Variants in MSRA observed in about 807,000 individuals in gnomAD.
MSRA encodes mitochondrial peptide methionine sulfoxide reductase.
In MSRA, 54 loss-of-function variants were observed where a neutral mutation model predicts 31.3. The ratio of observed to expected loss-of-function variants is 1.73; its 90% CI spans 1.39 to 2.17. The LOEUF is 2.17. Ranked by LOEUF, MSRA falls within the 30% of genes most tolerant of loss-of-function variation. The probability of loss-of-function intolerance (pLI) is 0.00; values close to 1 mark genes in which losing one functional copy is unlikely to be tolerated. For synonymous variants in MSRA, 169 were observed against 116.5 expected, an observed-to-expected ratio of 1.45 and a Z score of -2.90; for missense variants, 507 against 300.9, an observed-to-expected ratio of 1.69 and a Z score of -5.07.
chr8:10,309,828 A>G (rs1350034770), intron 4 of MSRA, among the ~76,000 whole-genome samples: 2 of 152,186 alleles, frequency 1.3e-5, no homozygotes, highest in Admixed American at 1.3e-4. Context: ...GCCCTGCTCC[A>G]GGCGAGTTTT....
intron 1 of MSRA, among the ~76,000 whole-genome samples, chr8:10,106,752 A>C (rs1191459742): frequency 6.6e-6 from 1 of 152,102 alleles, no homozygotes; most frequent in Admixed American, 6.5e-5. Context: ...TGGTGCTTTT[A>C]TGGTAGCCTC....
intron 3 of MSRA, among the ~76,000 whole-genome samples, chr8:10,260,590 G>C (rs993783866): frequency 2.0e-5 from 3 of 152,172 alleles, no homozygotes; most frequent in Non-Finnish European, 4.4e-5. Flanking sequence ...ATGCCTGCTA[G>C]GAAATCCAAG....
intron 1 of MSRA, among the ~76,000 whole-genome samples, chr8:10,201,213 G>C (rs982691503): frequency 2.6e-5 from 4 of 152,078 alleles, no homozygotes; most frequent in Admixed American, 1.3e-4. Flanking sequence ...TGTAGTAGCA[G>C]CTGGATTAGT....
intron 1 of MSRA, among the ~76,000 whole-genome samples, chr8:10,099,486 C>T (rs1475940510): frequency 6.6e-6 from 1 of 152,168 alleles, no homozygotes; most frequent in Non-Finnish European, 1.5e-5. Flanking sequence ...AATACCTTCG[C>T]CTGTTATTCC....
intron 3 of MSRA, among the ~76,000 whole-genome samples, chr8:10,295,408 C>T (rs1401874376): frequency 7.4e-6 from 1 of 134,410 alleles, no homozygotes; most frequent in Non-Finnish European, 1.7e-5. Context: ...CCTTCCTTCT[C>T]ACACAGGGAC....
chr8:10,268,308 C>T (rs1798850496), intron 3 of MSRA, among the ~76,000 whole-genome samples: 1 of 152,158 alleles, frequency 6.6e-6, no homozygotes, highest in Non-Finnish European at 1.5e-5. Flanking sequence ...TGTGGGCACT[C>T]CAGACATTTG....
chr8:10,131,838 A>G (rs1801920845), intron 1 of MSRA, among the ~76,000 whole-genome samples: 1 of 152,258 alleles, frequency 6.6e-6, no homozygotes, highest in Non-Finnish European at 1.5e-5. Flanking sequence ...CACTTTTCTC[A>G]GAAGTATAAT....
intron 1 of MSRA, among the ~76,000 whole-genome samples, chr8:10,062,635 C>G (rs1229348689): frequency 6.6e-6 from 1 of 152,152 alleles, no homozygotes; most frequent in East Asian, 1.9e-4. Context: ...ATCGGTAAGT[C>G]CATAACTGTT....
chr8:10,272,277 G>C (rs1440329158), intron 3 of MSRA, among the ~76,000 whole-genome samples: 1 of 152,150 alleles, frequency 6.6e-6, no homozygotes, highest in Admixed American at 6.5e-5. Flanking sequence ...CTCAGGATTG[G>C]CTCATATGAT....
At chr8:10,233,447 AG>A (rs1811668092) in intron 2 of MSRA, among the ~76,000 whole-genome samples, 1 of 152,274 alleles carries the variant, frequency 6.6e-6, no homozygotes, top group South Asian at 2.1e-4. Flanking sequence ...ATGTGTGTTT[AG>A]GATGTTCAAA....
rs1030816362 is a variant in MSRA at position 10,325,306 on chromosome 8, A to G, written c.543+5317A>G. ...ATGGTGATATAATATGTACTTTTAT[A>G]TAGGTTATATACCATAATTATGTAT... On this transcript the variant is annotated intron_variant, in intron 5 of 5. Transcript: ENST00000317173. 2.6e-5 allele frequency among the ~76,000 whole-genome samples: 4 copies of G among 152,074 alleles called. No individual in the cohort carries two copies. In the South Asian group the frequency reaches 6.2e-4, roughly 24 times the overall value.
At chr8:10,377,100 G>C (rs145732760) in intron 5 of MSRA, among the ~76,000 whole-genome samples, 1 of 152,240 alleles carries the variant, frequency 6.6e-6, no homozygotes, top group Non-Finnish European at 1.5e-5. Flanking sequence ...AGTAATTCAC[G>C]TTATGCAGCT....
chr8:10,283,802 C>CATATATATATATATATATATATAT (rs375322603), intron 3 of MSRA, among the ~76,000 whole-genome samples: 1 of 46,160 alleles, frequency 2.2e-5, no homozygotes, highest in Non-Finnish European at 3.5e-5. Context: ...TATTCTATCT[C>CATATATATATATATATATATATAT]ATATATATAT....
At chr8:10,157,115 T>G (rs925462442) in intron 1 of MSRA, among the ~76,000 whole-genome samples, 2 of 152,094 alleles carry the variant, frequency 1.3e-5, no homozygotes, top group South Asian at 4.2e-4. Context: ...GACTCTAATT[T>G]ACCTATATGT....
chr8:10,271,412 C>G (rs149628217), intron 3 of MSRA, among the ~76,000 whole-genome samples: 1 of 112,686 alleles, frequency 8.9e-6, no homozygotes, highest in African/African-American at 3.5e-5. Flanking sequence ...AGTACATGAC[C>G]AAATACGATG....
At chr8:10,166,918 C>T (rs1419024127) in intron 1 of MSRA, among the ~76,000 whole-genome samples, 1 of 152,122 alleles carries the variant, frequency 6.6e-6, no homozygotes, top group Non-Finnish European at 1.5e-5. Context: ...TGCTCGGGAG[C>T]CATGATGGGT....
chr8:10,366,397 TGGCCCTGAGCCAGGCCTTGTGCA>T (rs1165733413), intron 5 of MSRA, among the ~76,000 whole-genome samples: 1 of 152,268 alleles, frequency 6.6e-6, no homozygotes, highest in Non-Finnish European at 1.5e-5. Context: ...GGGCACTGCG[TGGCCCTGAGCCAGGCCTTGTGCA>T]GGCTCTCTGG....
At chr8:10,056,923 G>T (rs1037126530) in intron 1 of MSRA, among the ~76,000 whole-genome samples, 4 of 152,136 alleles carry the variant, frequency 2.6e-5, no homozygotes, top group African/African-American at 9.7e-5. Context: ...TTTCTTTAGT[G>T]CGTTTAGATA....
At chr8:10,259,444 C>T (rs1016578901) in intron 3 of MSRA, among the ~76,000 whole-genome samples, 1 of 152,138 alleles carries the variant, frequency 6.6e-6, no homozygotes, top group Non-Finnish European at 1.5e-5. Flanking sequence ...TGGTAAAGGA[C>T]ATACTTCCTG....
Sources: gnomAD v4.1 joint callset for allele counts (sites outside exome capture counted in the v4.1 genomes callset) on GRCh38, gnomAD v4.1.1 for gene constraint, MANE v1.5 for transcripts, NCBI Gene and HGNC (gene_info 2026-07-23, HGNC 2026-07-21) for gene names.